EPHA5: variants seen among roughly 807,000 people sequenced by gnomAD.
EPHA5 encodes the protein ephrin type-A receptor 5.
In EPHA5, 60 loss-of-function variants were observed where a neutral mutation model predicts 105.0. That is an observed-to-expected ratio of 0.57 (90% CI 0.46 to 0.71). The LOEUF (loss-of-function observed/expected upper bound fraction) is 0.71, where lower values mean the gene tolerates loss of function less well. EPHA5 is among the 30% of genes least tolerant of loss of function. The pLI is 0.00. For missense variants in EPHA5, 1,218 were observed against 1,274.7 expected (o/e 0.96, Z 0.68); for synonymous variants, 513 against 449.1 (o/e 1.14, Z -1.80).
intron 5 of EPHA5, among the ~76,000 whole-genome samples, chr4:65,481,634 A>G (rs1730372300): frequency 6.6e-6 from 1 of 152,188 alleles, no homozygotes; most frequent in Admixed American, 6.5e-5. Context: ...TCCTCTTGGG[A>G]GCCAATTATC....
At chr4:65,405,500 T>G (rs1177436306) in intron 7 of EPHA5, among the ~76,000 whole-genome samples, 1 of 152,176 alleles carries the variant, frequency 6.6e-6, no homozygotes, top group Non-Finnish European at 1.5e-5. Flanking sequence ...GATTTGGATC[T>G]CCAAATACCT....
intron 8 of EPHA5, among the ~76,000 whole-genome samples, chr4:65,382,109 A>T (rs886655809): frequency 6.6e-6 from 1 of 151,798 alleles, no homozygotes; most frequent in Non-Finnish European, 1.5e-5. Flanking sequence ...CTGTGCGGCC[A>T]TTCATCTTAA....
chr4:65,595,701 C>T (rs944965368), intron 3 of EPHA5, among the ~76,000 whole-genome samples: 30 of 151,942 alleles, frequency 2.0e-4, no homozygotes, highest in Admixed American at 6.6e-4. Context: ...CTGCCTCAAC[C>T]TCCCGAGTAG....
intron 3 of EPHA5, among the ~76,000 whole-genome samples, chr4:65,503,612 A>T (rs1166093797): frequency 6.6e-6 from 1 of 151,836 alleles, no homozygotes; most frequent in Non-Finnish European, 1.5e-5. Context: ...AAATTCAAAG[A>T]TAATATAATA....
chr4:65,376,916 A>C (rs1231193005), intron 8 of EPHA5: 1 of 1,286,888 alleles, frequency 7.8e-7, no homozygotes, highest in Non-Finnish European at 1.0e-6. Context: ...AAATGTACAC[A>C]AATGGAGAAA....
intron 8 of EPHA5, among the ~76,000 whole-genome samples, chr4:65,390,114 C>T (rs1303639855): frequency 1.3e-5 from 2 of 151,898 alleles, no homozygotes; most frequent in African/African-American, 4.8e-5. Context: ...TCTTGAAAAC[C>T]TCTCTGGCTG....
intron 3 of EPHA5, among the ~76,000 whole-genome samples, chr4:65,547,141 G>T (rs1324446079): frequency 6.6e-6 from 1 of 151,960 alleles, no homozygotes. Context: ...GTCTGTGTAG[G>T]TGTTTGTGTG....
Position 65,323,403 on chromosome 4 carries a change from C to T in EPHA5, c.*711G>A, listed in dbSNP as rs1719789973. 2 of 229,992 alleles carry T rather than the reference C, an allele frequency of 8.7e-6. No homozygotes were observed. The highest frequency in any genetic ancestry group is 1.8e-4 in the South Asian group (1 of 5,520). The allele number at this position is 229,992 out of a possible 1,614,324, so 14.2% of individuals were successfully genotyped here. ...CAAGCAAACACACACACAATTCCATCTTAAATCAGTTCCTGGGTATATTGC... is the reference window on the plus strand; with the variant it reads ...CAAGCAAACACACACACAATTCCATTTTAAATCAGTTCCTGGGTATATTGC... On this transcript the variant is annotated 3_prime_UTR_variant, in exon 17 of 17. Transcript: ENST00000613740.
At chr4:65,648,317 T>C (rs1748306695) in intron 1 of EPHA5, among the ~76,000 whole-genome samples, 1 of 152,192 alleles carries the variant, frequency 6.6e-6, no homozygotes, top group African/African-American at 2.4e-5. Flanking sequence ...CTTAACATCT[T>C]GCCAACTTAA....
At chr4:65,624,485 C>T (rs752192282) in intron 2 of EPHA5, among the ~76,000 whole-genome samples, 16 of 151,940 alleles carry the variant, frequency 1.1e-4, no homozygotes, top group African/African-American at 1.9e-4. Flanking sequence ...GAGTTTTCTT[C>T]GGAAATTATC....
At chr4:65,662,168 G>A (rs1749609620) in intron 1 of EPHA5, among the ~76,000 whole-genome samples, 1 of 151,912 alleles carries the variant, frequency 6.6e-6, no homozygotes, top group African/African-American at 2.4e-5. Flanking sequence ...ATGAAAATAA[G>A]AGTGTAAAAT....
rs79165028 is a variant in EPHA5 at position 65,595,152 on chromosome 4, A to G, written c.910+6489T>C. ...CTATGTTAAATGCCACCATTTCAGA[A>G]AAAAAAAAAAAAAAATCTTATTTCC... On this transcript the variant is annotated intron_variant, in intron 3 of 16. Transcript: ENST00000613740. 9.9e-5 allele frequency among the ~76,000 whole-genome samples: 6 copies of G among 60,726 alleles called. No homozygotes were observed. The East Asian group carries it at 1.6e-3, about 16-fold the overall frequency. The allele number at this position is 60,726 out of a possible 152,430, so 39.8% of individuals were successfully genotyped here. A position where few individuals can be genotyped will look rare whatever the true frequency, so the allele number is the denominator to read the frequency against.
At chr4:65,606,892 T>C (rs1744280649) in intron 2 of EPHA5, among the ~76,000 whole-genome samples, 1 of 152,190 alleles carries the variant, frequency 6.6e-6, no homozygotes, top group Non-Finnish European at 1.5e-5. Context: ...GCAGCTTTAC[T>C]CTGACATGAC....
chr4:65,326,548 A>G (rs1720098651), intron 16 of EPHA5, among the ~76,000 whole-genome samples: 1 of 151,368 alleles, frequency 6.6e-6, no homozygotes, highest in South Asian at 2.1e-4. Flanking sequence ...GTGTTTCCAC[A>G]TGTAAATTAT....
rs909541412 is a variant in EPHA5 at position 65,670,086 on chromosome 4, C to T, written c.-344G>A. 6.5e-6 allele frequency: 2 copies of T among 307,838 alleles called. No individual in the cohort carries two copies. Among genetic ancestry groups the T allele is most frequent in the African/African-American group, 2.1e-5 (1 of 47,300 alleles). The allele number at this position is 307,838 out of a possible 1,614,324, so 19.1% of individuals were successfully genotyped here. On this transcript the variant is annotated 5_prime_UTR_variant, in exon 1 of 17. In the 5' UTR this introduces an upstream ATG that the reference lacks. Transcript: ENST00000613740. ...ACGGATTGAGAATTTTTAAATACCACTAGGGGAAAGGTGAAGGTTCTTTGC... is the reference window on the plus strand; with the variant it reads ...ACGGATTGAGAATTTTTAAATACCATTAGGGGAAAGGTGAAGGTTCTTTGC...
intron 14 of EPHA5, among the ~76,000 whole-genome samples, chr4:65,342,491 C>A (rs951610180): frequency 6.6e-6 from 1 of 151,324 alleles, no homozygotes; most frequent in African/African-American, 2.4e-5. Flanking sequence ...TTTATTTTAG[C>A]AAGAAATATG....
chr4:65,398,009 G>A (rs1324653240), intron 8 of EPHA5, among the ~76,000 whole-genome samples: 2 of 152,174 alleles, frequency 1.3e-5, no homozygotes, highest in Non-Finnish European at 2.9e-5. Context: ...CATGAGCCAG[G>A]ACAAGGTAGA....
At chr4:65,455,943 T>A (rs1727541377) in intron 5 of EPHA5, among the ~76,000 whole-genome samples, 2 of 152,228 alleles carry the variant, frequency 1.3e-5, no homozygotes, top group South Asian at 4.1e-4. Flanking sequence ...ACACATTTTA[T>A]AGTTGTACAT....
intron 2 of EPHA5, among the ~76,000 whole-genome samples, chr4:65,617,472 C>T (rs867057658): frequency 6.6e-6 from 1 of 152,084 alleles, no homozygotes; most frequent in Non-Finnish European, 1.5e-5. Context: ...ATGCCAACAG[C>T]GATTTTCTTT....
Sources: allele counts gnomAD v4.1 joint callset (sites outside exome capture counted in the v4.1 genomes callset), GRCh38; gene constraint gnomAD v4.1.1; transcripts MANE v1.5; gene names NCBI Gene and HGNC (gene_info 2026-07-23, HGNC 2026-07-21).